Variants in SHISA6 observed in about 807,000 individuals in gnomAD.
SHISA6 encodes shisa family member 6, also known as protein shisa-6.
Under a neutral mutation model 47.9 loss-of-function variants are expected in SHISA6, and 22 were observed. That is an observed-to-expected ratio of 0.46 (90% confidence interval 0.33 to 0.66). The LOEUF is 0.66. SHISA6 is among the 30% of genes least tolerant of loss of function. The probability of loss-of-function intolerance (pLI) is 0.02; values close to 1 mark genes in which losing one functional copy is unlikely to be tolerated. For synonymous variants in SHISA6, 388 were observed against 337.8 expected (o/e 1.15, Z -1.63); for missense variants, 680 against 764.6 (o/e 0.89, Z 1.30).
At chr17:11,490,806 A>G (rs1379570365) in intron 3 of SHISA6, among the ~76,000 whole-genome samples, 4 of 152,206 alleles carry the variant, frequency 2.6e-5, no homozygotes, top group African/African-American at 9.6e-5. Context: ...AGGCCCAGGG[A>G]GGAATGCTCA....
At chr17:11,339,397 A>G (rs1182969827) in intron 2 of SHISA6, among the ~76,000 whole-genome samples, 1 of 150,988 alleles carries the variant, frequency 6.6e-6, no homozygotes, top group Non-Finnish European at 1.5e-5. Flanking sequence ...GGTTATTTCA[A>G]AGTGGTAGAA....
At chr17:11,553,907 G>C (rs1011167809) in intron 4 of SHISA6, among the ~76,000 whole-genome samples, 1 of 152,178 alleles carries the variant, frequency 6.6e-6, no homozygotes, top group Non-Finnish European at 1.5e-5. Context: ...AAAATGTCTT[G>C]AGTGAGGCGG....
chr17:11,274,387 T>C (rs140396867), intron 2 of SHISA6, among the ~76,000 whole-genome samples: 72 of 152,208 alleles, frequency 4.7e-4, no homozygotes, highest in Middle Eastern at 6.8e-3. Flanking sequence ...CCTCCATGAG[T>C]TGGCAAAACG....
intron 2 of SHISA6, among the ~76,000 whole-genome samples, chr17:11,292,330 C>T (rs1482189483): frequency 1.3e-5 from 2 of 152,058 alleles, no homozygotes; most frequent in African/African-American, 4.8e-5. Flanking sequence ...TGTTCTGCTC[C>T]CTATGTCCGT....
chr17:11,430,154 T>G (rs1914713010), intron 3 of SHISA6, among the ~76,000 whole-genome samples: 1 of 152,192 alleles, frequency 6.6e-6, no homozygotes. Flanking sequence ...AGCCAGAGTT[T>G]TTCTGACCCT....
intron 3 of SHISA6, among the ~76,000 whole-genome samples, chr17:11,384,540 G>A (rs908817389): frequency 6.6e-6 from 1 of 152,184 alleles, no homozygotes; most frequent in African/African-American, 2.4e-5. Context: ...TTTGAGCCTG[G>A]TTGAAAAAGC....
chr17:11,556,413 C>T (rs1282711591), intron 5 of SHISA6, among the ~76,000 whole-genome samples: 1 of 152,198 alleles, frequency 6.6e-6, no homozygotes, highest in Non-Finnish European at 1.5e-5. Flanking sequence ...GTGATGCCAG[C>T]TCTGCCTCTT....
intron 3 of SHISA6, among the ~76,000 whole-genome samples, chr17:11,528,014 A>G (rs1435358082): frequency 2.0e-5 from 3 of 152,144 alleles, no homozygotes; most frequent in African/African-American, 7.2e-5. Context: ...TGGTATATTA[A>G]TTGTGTTTTT....
chr17:11,251,814 C>T (rs1156368090), intron 1 of SHISA6, among the ~76,000 whole-genome samples: 1 of 152,130 alleles, frequency 6.6e-6, no homozygotes, highest in Non-Finnish European at 1.5e-5. Flanking sequence ...TCCTGAGGGG[C>T]ACGTGGAAAG....
chr17:11,243,563 C>G lies in SHISA6; in HGVS notation c.638+1503C>G, dbSNP rs534699109. ...TGTGGTCAGTCTTGGCTCTCAAATGCAGAAGACAAGTGGGACGGTGAGCAA... is the reference window on the plus strand; with the variant it reads ...TGTGGTCAGTCTTGGCTCTCAAATGGAGAAGACAAGTGGGACGGTGAGCAA... On this transcript the variant is annotated intron_variant, in intron 1 of 5. Transcript: ENST00000441885. Among the ~76,000 whole-genome samples, 10 of 152,246 alleles carry G rather than the reference C, an allele frequency of 6.6e-5. 1 individual carries two copies. The East Asian group carries it at 1.7e-3, about 27-fold the overall frequency.
chr17:11,371,821 A>G (rs571248330), intron 2 of SHISA6, among the ~76,000 whole-genome samples: 8 of 152,296 alleles, frequency 5.3e-5, no homozygotes, highest in Admixed American at 2.6e-4. Context: ...CACGTTTAGA[A>G]TATTCAAAAA....
intron 1 of SHISA6, among the ~76,000 whole-genome samples, chr17:11,254,562 C>G (rs1907937956): frequency 6.6e-6 from 1 of 152,184 alleles, no homozygotes; most frequent in Non-Finnish European, 1.5e-5. Flanking sequence ...CTTTTGGCAC[C>G]ACCTGCCCCT....
intron 2 of SHISA6, among the ~76,000 whole-genome samples, chr17:11,296,175 A>T (rs1567564134): frequency 6.6e-6 from 1 of 152,114 alleles, no homozygotes; most frequent in African/African-American, 2.4e-5. Context: ...GGAAGGGACA[A>T]TAGGAAGCCC....
rs577779613 is a variant in SHISA6 at position 11,480,709 on chromosome 17, C to G, written c.896-71187C>G. ...ATGACACAGCAATTATGGTCCCATG[C>G]TGTGCTTGTCCACCTGCTCCTGAGC... On this transcript the variant is annotated intron_variant, in intron 3 of 5. Transcript: ENST00000441885. Among the ~76,000 whole-genome samples the G allele has an allele frequency of 6.6e-4, 101 of 152,288 alleles. 1 individual carries two copies. Among genetic ancestry groups the G allele is most frequent in the Non-Finnish European group, 8.2e-4 (56 of 68,010 alleles).
chr17:11,272,133 C>T (rs1164617564), intron 2 of SHISA6, among the ~76,000 whole-genome samples: 6 of 152,162 alleles, frequency 3.9e-5, no homozygotes, highest in Non-Finnish European at 7.4e-5. Context: ...CTGGGAACAG[C>T]TTCTTTTTTG....
chr17:11,427,289 C>T (rs1208314515), intron 3 of SHISA6, among the ~76,000 whole-genome samples: 7 of 152,090 alleles, frequency 4.6e-5, no homozygotes, highest in Admixed American at 3.3e-4. Context: ...ACCCACCACA[C>T]CACCTGTCTA....
chr17:11,285,135 G>C (rs1385301180), intron 2 of SHISA6, among the ~76,000 whole-genome samples: 1 of 152,234 alleles, frequency 6.6e-6, no homozygotes. Context: ...ATACACACAT[G>C]CACCCCAGAA....
intron 2 of SHISA6, among the ~76,000 whole-genome samples, chr17:11,272,243 A>G (rs950066452): frequency 6.6e-5 from 10 of 152,108 alleles, no homozygotes; most frequent in Non-Finnish European, 4.4e-5. Context: ...TCTGTCTTCT[A>G]TAGCTCCCCA....
rs1361168038 is a variant in SHISA6, at chr17:11,241,737, C to T, written c.315C>T (p.Asp105=). 2 of 1,544,378 alleles carry T rather than the reference C, an allele frequency of 1.3e-6. No individual in the cohort carries two copies. The highest frequency in any genetic ancestry group is 1.7e-6 in the Non-Finnish European group (2 of 1,146,898). The change falls in exon 1 of 6, where the codon GAC becomes GAT. Residue 105 remains aspartate (D), a synonymous_variant. Coordinates refer to ENST00000441885, the MANE Select transcript of SHISA6 (RefSeq NM_207386.4). This position sits in a 1 kb window ranked among gnomAD's most constrained non-coding sequence, Gnocchi z 5.5. ...WGYYDVSGQY[D]KEFECNNSES... is the part of the protein sequence containing the mutation. ...ACTACGACGTGAGCGGCCAGTACGA[C>T]AAGGAGTTCGAGTGTAACAACAGCG... is the stretch of plus-strand genomic sequence containing the variant.
Sources: gnomAD v4.1 joint callset for allele counts (sites outside exome capture counted in the v4.1 genomes callset) on GRCh38, gnomAD v4.1.1 for gene constraint, Gnocchi (gnomAD v3.1) non-coding constraint, MANE v1.5 for transcripts, NCBI Gene and HGNC (gene_info 2026-07-23, HGNC 2026-07-21) for gene names.